Variants in LBH observed in about 807,000 individuals in gnomAD.
LBH encodes LBH regulator of Wnt signaling pathway, also known as protein LBH.
LBH carries 7 observed loss-of-function variants against 12.5 expected under a neutral mutation model. That is an observed-to-expected ratio of 0.56 (90% CI 0.32 to 1.05). LBH has a LOEUF of 1.05. LBH is among the 50% of genes least tolerant of loss of function. LBH has a pLI of 0.04. For missense variants in LBH, 119 were observed against 138.9 expected, an observed-to-expected ratio of 0.86 and a Z score of 0.72; for synonymous variants, 51 against 50.1, an observed-to-expected ratio of 1.02 and a Z score of -0.08.
chr2:30,257,399 A>G (rs1678103823), intron 2 of LBH, 34 bp from the exon 3 acceptor site: 1 of 1,610,796 alleles, frequency 6.2e-7, no homozygotes, highest in East Asian at 2.2e-5. Flanking sequence ...TCAAATATCT[A>G]CGTGACCAGG....
At chr2:30,232,094 C>T (rs931491318) in intron 1 of LBH, 2 of 1,534,546 alleles carry the variant, frequency 1.3e-6, no homozygotes, top group Non-Finnish European at 1.8e-6. Flanking sequence ...CTGCAGGAGG[C>T]GCGCGCCCCA....
At chr2:30,248,287 G>A (rs1258459532) in intron 2 of LBH, among the ~76,000 whole-genome samples, 2 of 152,266 alleles carry the variant, frequency 1.3e-5, no homozygotes, top group Middle Eastern at 3.4e-3. Flanking sequence ...AAAGTGAGTC[G>A]TCCTGGTAGT....
chr2:30,231,611 G>T lies in LBH; in HGVS notation c.-128G>T. On this transcript the variant is annotated 5_prime_UTR_variant, in exon 1 of 3. Coordinates refer to ENST00000395323, the MANE Select transcript of LBH (RefSeq NM_030915.4). ...AGCCGTGGGGCTGTCCTGGGAAGGC[G>T]GACGGCGAGCGCCCGGTGTCCGCAC... 2 of 884,498 alleles carry T rather than the reference G, an allele frequency of 2.3e-6. No homozygotes were observed. Among genetic ancestry groups the T allele is most frequent in the East Asian group, 2.8e-5 (1 of 35,276 alleles). The allele number at this position is 884,498 out of a possible 1,614,324, so 54.8% of individuals were successfully genotyped here.
intron 2 of LBH, among the ~76,000 whole-genome samples, chr2:30,242,388 C>A (rs189788368): frequency 6.6e-6 from 1 of 152,028 alleles, no homozygotes; most frequent in African/African-American, 2.4e-5. Flanking sequence ...AGATTACAGG[C>A]GAGTGCCACC....
chr2:30,248,102 T>G (rs1172246679), intron 2 of LBH, among the ~76,000 whole-genome samples: 87 of 152,200 alleles, frequency 5.7e-4, no homozygotes, highest in Non-Finnish European at 8.8e-5. Flanking sequence ...CAGCTCTCTG[T>G]TAGTGTAGAT....
At chr2:30,237,522 C>T (rs1190086858) in intron 2 of LBH, among the ~76,000 whole-genome samples, 1 of 152,164 alleles carries the variant, frequency 6.6e-6, no homozygotes, top group Non-Finnish European at 1.5e-5. Context: ...TACCCTGCCC[C>T]CACCCAAGGT....
At chr2:30,249,158 A>G (rs1465071228) in intron 2 of LBH, among the ~76,000 whole-genome samples, 1 of 151,084 alleles carries the variant, frequency 6.6e-6, no homozygotes, top group African/African-American at 2.5e-5. Context: ...CTTTGCTACA[A>G]TTCTTTCTGT....
At chr2:30,234,340 G>A in intron 1 of LBH, 65 bp from the exon 2 acceptor site, 1 of 1,200,354 alleles carries the variant, frequency 8.3e-7, no homozygotes, top group Non-Finnish European at 1.2e-6. Context: ...AGCAGTGAAT[G>A]CATGAAGAGT....
chr2:30,240,579 C>CAGGAAGAT (rs1408759990), intron 2 of LBH, among the ~76,000 whole-genome samples: 3 of 152,208 alleles, frequency 2.0e-5, no homozygotes, highest in African/African-American at 7.2e-5. Flanking sequence ...AAGCGCAGCT[C>CAGGAAGAT]AGGAAGATAT....
At chr2:30,257,307 G>C (rs765039072) in intron 2 of LBH, 126 bp from the exon 3 acceptor site, 2 of 997,348 alleles carry the variant, frequency 2.0e-6, no homozygotes, top group Admixed American at 4.1e-5. Flanking sequence ...ACAGCCTCCC[G>C]AGTGCAAAGC....
intron 2 of LBH, among the ~76,000 whole-genome samples, chr2:30,249,545 G>A (rs770399531): frequency 2.2e-4 from 33 of 152,334 alleles, no homozygotes; most frequent in Middle Eastern, 3.4e-3. Flanking sequence ...GGTTGGGGGC[G>A]GGGTAGTGAC....
Position 30,259,610 on chromosome 2 carries a change from A to C in LBH, c.*1989A>C, listed in dbSNP as rs966694642. 1 of 152,558 alleles carries C rather than the reference A, an allele frequency of 6.6e-6. No individual in the cohort carries two copies. The highest frequency in any genetic ancestry group is 1.5e-5 in the Non-Finnish European group (1 of 68,100). 9.5% of individuals were successfully genotyped at this position (152,558 alleles called of 1,614,324 possible). On this transcript the variant is annotated 3_prime_UTR_variant, in exon 3 of 3. Coordinates refer to ENST00000395323, the MANE Select transcript of LBH (RefSeq NM_030915.4). ...TGCTGTGTGATGGGAACATGCTTGT[A>C]AACTGCGTAACAAATCTACTTTGTG... is the stretch of plus-strand genomic sequence containing the variant.
chr2:30,231,801 C>G, intron 1 of LBH, 37 bp downstream of exon 1: 1 of 1,540,306 alleles, frequency 6.5e-7, no homozygotes, highest in East Asian at 2.7e-5. Flanking sequence ...GTCTGTCTCG[C>G]GGCGGTGGCT....
In LBH at chr2:30,257,686, C is replaced by T. The variant is rs1474801646; in HGVS notation, c.*65C>T. The stretch of plus-strand genomic sequence containing the variant: ...TGTTCCTGAACTGTGTTTTTCCCAT[C>T]ATGACGGAAGAAGAGAGTGAGCCGC... On this transcript the variant is annotated 3_prime_UTR_variant, in exon 3 of 3. Coordinates refer to ENST00000395323, the MANE Select transcript of LBH (RefSeq NM_030915.4). 7.8e-7 allele frequency: 1 copy of T among 1,276,538 alleles called. No homozygotes were observed. The highest frequency in any genetic ancestry group is 1.1e-6 in the Non-Finnish European group (1 of 934,912). The allele number at this position is 1,276,538 out of a possible 1,614,324, so 79.1% of individuals were successfully genotyped here. A position where few individuals can be genotyped will look rare whatever the true frequency, so the allele number is the denominator to read the frequency against.
intron 2 of LBH, among the ~76,000 whole-genome samples, chr2:30,241,099 A>G (rs1171631921): frequency 6.6e-6 from 1 of 152,228 alleles, no homozygotes; most frequent in African/African-American, 2.4e-5. Context: ...TTTAAGAGGT[A>G]TCCTTGGCTT....
Position 30,234,420 on chromosome 2 carries a change from A to AT in LBH, c.43dup (p.Ser15PhefsTer6). The AT allele has an allele frequency of 6.2e-7, 1 of 1,614,106 alleles. No individual in the cohort carries two copies. Among genetic ancestry groups the AT allele is most frequent in the Non-Finnish European group, 8.5e-7 (1 of 1,179,954 alleles). Reference sequence around the variant, plus strand: ...TTCTTGGCAGCCCCGACTATCTGAGATCGGCCAAGATGACTGAGGTGATGA... The same window carrying AT: ...TTCTTGGCAGCCCCGACTATCTGAGATTCGGCCAAGATGACTGAGGTGATGA... On this transcript the variant is annotated frameshift_variant, in exon 2 of 3. Coordinates refer to ENST00000395323, the MANE Select transcript of LBH (RefSeq NM_030915.4). LOFTEE classifies it high-confidence loss of function.
At chr2:30,248,286 C>T (rs546263093) in intron 2 of LBH, among the ~76,000 whole-genome samples, 126 of 152,066 alleles carry the variant, frequency 8.3e-4, no homozygotes, top group Non-Finnish European at 9.9e-4. Context: ...CAAAGTGAGT[C>T]GTCCTGGTAG....
At chr2:30,243,746 C>G (rs887027035) in intron 2 of LBH, among the ~76,000 whole-genome samples, 1 of 151,992 alleles carries the variant, frequency 6.6e-6, no homozygotes, top group Non-Finnish European at 1.5e-5. Context: ...CCAGGCTGTT[C>G]TCGAACTCCT....
intron 2 of LBH, among the ~76,000 whole-genome samples, chr2:30,243,467 C>T (rs533913505): frequency 6.6e-6 from 1 of 150,484 alleles, no homozygotes; most frequent in Admixed American, 6.6e-5. Flanking sequence ...AGATCTGGCT[C>T]ATGAATAACT....
Sources: allele counts gnomAD v4.1 joint callset (sites outside exome capture counted in the v4.1 genomes callset), GRCh38; gene constraint gnomAD v4.1.1; transcripts MANE v1.5; gene names NCBI Gene and HGNC (gene_info 2026-07-23, HGNC 2026-07-21).